Variants in LYRM9 observed in about 807,000 individuals in gnomAD.
The protein encoded by LYRM9 is LYR motif containing 9.
In LYRM9, 14 loss-of-function variants were observed where a neutral mutation model predicts 12.6. That is an observed-to-expected ratio of 1.11 (90% CI 0.73 to 1.73). The LOEUF is 1.73. LYRM9 is among the 40% of genes most tolerant of loss of function. LYRM9 has a pLI of 0.00. For synonymous variants in LYRM9, 42 were observed against 35.1 expected, an observed-to-expected ratio of 1.20 and a Z score of -0.69; for missense variants, 94 against 95.0, an observed-to-expected ratio of 0.99 and a Z score of 0.04.
Position 27,879,510 on chromosome 17 carries a change from G to T in LYRM9, c.220-20C>A. The T allele has an allele frequency of 2.6e-6, 4 of 1,551,884 alleles. No homozygotes were observed. The highest frequency in any genetic ancestry group is 3.5e-6 in the Non-Finnish European group (4 of 1,147,140). On this transcript the variant is annotated intron_variant, in intron 3 of 3. Transcript: ENST00000379102. ...TTTATACTGCAAGACAGAGAGATTCGAAGTGGAGGAGGGAAGCCAACAGGG... is the reference window on the plus strand; with the variant it reads ...TTTATACTGCAAGACAGAGAGATTCTAAGTGGAGGAGGGAAGCCAACAGGG...
At chr17:27,884,149 T>C (rs527654986) in intron 1 of LYRM9, among the ~76,000 whole-genome samples, 1 of 152,124 alleles carries the variant, frequency 6.6e-6, no homozygotes, top group South Asian at 2.1e-4. Flanking sequence ...CACATTCTTC[T>C]CTGTATTAAC....
At chr17:27,882,545 A>G in intron 2 of LYRM9, 24 bp downstream of exon 2, 1 of 1,557,040 alleles carries the variant, frequency 6.4e-7, no homozygotes, top group Non-Finnish European at 8.7e-7. Flanking sequence ...GGCAGCCCCC[A>G]GACCTGGTAG....
rs1194358776 is a variant in LYRM9, at chr17:27,886,645, CTT to C, written c.-18-3935_-18-3934del. 4.0e-4 allele frequency among the ~76,000 whole-genome samples: 39 copies of C among 97,252 alleles called. No homozygotes were observed. The highest frequency in any genetic ancestry group is 1.9e-3 in the African/African-American group (39 of 20,592). 63.8% of individuals were successfully genotyped at this position (97,252 alleles called of 152,430 possible). ...GCCACTGGTTTCTTTCTTTTCTTTT[CTT>C]TTTTTATTTTTTTTTTTTTGAGACA... On this transcript the variant is annotated intron_variant, in intron 1 of 3. Transcript: ENST00000379102. This position sits in a 1 kb window ranked among gnomAD's most constrained non-coding sequence, Gnocchi z 4.8.
chr17:27,891,189 A>T (rs1403237443), intron 1 of LYRM9, among the ~76,000 whole-genome samples: 3 of 152,024 alleles, frequency 2.0e-5, no homozygotes, highest in African/African-American at 4.8e-5. Flanking sequence ...GCCTTCTGAG[A>T]TCTGTTTCAA....
intron 3 of LYRM9, chr17:27,879,775 C>A: frequency 3.7e-6 from 2 of 543,636 alleles, no homozygotes; most frequent in Non-Finnish European, 6.5e-6. Context: ...GGTCACACTC[C>A]AACTCTCTAG....
At chr17:27,880,020 C>T (rs1418985576) in intron 3 of LYRM9, 6 of 659,914 alleles carry the variant, frequency 9.1e-6, no homozygotes, top group South Asian at 4.9e-5. Context: ...CCTCTCAGCT[C>T]GATCAGCACT....
At chr17:27,890,323 C>T (rs1905388931) in intron 1 of LYRM9, among the ~76,000 whole-genome samples, 1 of 152,232 alleles carries the variant, frequency 6.6e-6, no homozygotes, top group South Asian at 2.1e-4. Context: ...ATCTTCTCTA[C>T]AAAACCTTGC....
intron 1 of LYRM9, among the ~76,000 whole-genome samples, chr17:27,885,701 CAAAAAAAAAA>C (rs61615628): frequency 3.1e-4 from 9 of 29,386 alleles, no homozygotes; most frequent in African/African-American, 9.9e-4. Flanking sequence ...AACTCTGTCT[CAAAAAAAAAA>C]AAAAAAAAAA....
chr17:27,879,523 G>A, intron 3 of LYRM9, 33 bp from the exon 4 acceptor site: 1 of 1,551,256 alleles, frequency 6.4e-7, no homozygotes, highest in Non-Finnish European at 8.7e-7. Flanking sequence ...GTGGAGGAGG[G>A]AAGCCAACAG....
intron 1 of LYRM9, among the ~76,000 whole-genome samples, chr17:27,884,164 T>C (rs1905162133): frequency 6.6e-6 from 1 of 152,188 alleles, no homozygotes; most frequent in South Asian, 2.1e-4. Context: ...ATTAACACTC[T>C]CTCTAAAGAA....
intron 2 of LYRM9, chr17:27,880,738 T>C (rs1193679778): frequency 1.1e-5 from 3 of 283,264 alleles, no homozygotes; most frequent in Non-Finnish European, 2.0e-5. Flanking sequence ...CAGGGTGAGA[T>C]CTCTGCATAG....
At chr17:27,887,073 G>C (rs1905254327) in intron 1 of LYRM9, among the ~76,000 whole-genome samples, 1 of 152,044 alleles carries the variant, frequency 6.6e-6, no homozygotes, top group Non-Finnish European at 1.5e-5. Flanking sequence ...ACAGCCCCTA[G>C]CTGGTCTCCC....
rs1465899823 is a variant in LYRM9 at position 27,878,380 on chromosome 17, T to TTC, written c.*1091_*1092dup. 1 of 152,272 alleles carries TTC rather than the reference T, an allele frequency of 6.6e-6. No individual in the cohort carries two copies. Among genetic ancestry groups the TTC allele is most frequent in the Non-Finnish European group, 1.5e-5 (1 of 68,066 alleles). 9.4% of individuals were successfully genotyped at this position (152,272 alleles called of 1,614,324 possible). ...AGCTTCCACAAATTGATATATTTAC[T>TTC]TCATTGCCAGCGGAGTACACTCGCA... On this transcript the variant is annotated 3_prime_UTR_variant, in exon 4 of 4. Transcript: ENST00000379102.
chr17:27,889,684 G>C (rs934666198), intron 1 of LYRM9, among the ~76,000 whole-genome samples: 6 of 152,050 alleles, frequency 3.9e-5, no homozygotes, highest in African/African-American at 1.4e-4. Flanking sequence ...CCATCCTTAG[G>C]GGGGTCTGTT....
chr17:27,890,318 C>T lies in LYRM9; in HGVS notation c.-19+2999G>A, dbSNP rs1350398161. ...CTATTATCCAGTACTCCTCAATCTT[C>T]TCTACAAAACCTTGCTCCATGCCTT... On this transcript the variant is annotated intron_variant, in intron 1 of 3. Transcript: ENST00000379102. Among the ~76,000 whole-genome samples, 3 of 152,112 alleles carry T rather than the reference C, an allele frequency of 2.0e-5. No homozygotes were observed. The East Asian group carries it at 5.8e-4, about 29-fold the overall frequency.
At chr17:27,891,892 G>C (rs1905464649) in intron 1 of LYRM9, 1 of 150,962 alleles carries the variant, frequency 6.6e-6, no homozygotes, top group Non-Finnish European at 1.5e-5. Context: ...AAAGTGCCTA[G>C]CACAGGGGCT....
intron 1 of LYRM9, among the ~76,000 whole-genome samples, chr17:27,883,857 A>AAAAAAAAAAAC (rs1905149314): frequency 6.9e-6 from 1 of 145,716 alleles, no homozygotes; most frequent in African/African-American, 2.6e-5. Flanking sequence ...AAAAAAAAAA[A>AAAAAAAAAAAC]AAAAAAAAAA....
chr17:27,887,713 GGTGTGTGTGTGTGT>G lies in LYRM9; in HGVS notation c.-18-5015_-18-5002del, dbSNP rs59760752. On this transcript the variant is annotated intron_variant, in intron 1 of 3. Coordinates refer to ENST00000379102, the MANE Select transcript of LYRM9 (RefSeq NM_001076680.3). ...GAGAAACAGAACCTATAGGAGGGAGGGTGTGTGTGTGTGTGTGTGTGTGTGTGTGTGTGTGTGTG... is the reference window on the plus strand; with the variant it reads ...GAGAAACAGAACCTATAGGAGGGAGGGTGTGTGTGTGTGTGTGTGTGTGTG... Among the ~76,000 whole-genome samples the G allele has an allele frequency of 9.2e-3, 803 of 86,818 alleles. 7 individuals are homozygous for G. The highest frequency in any genetic ancestry group is 0.018 in the Non-Finnish European group (560 of 31,112). The allele number at this position is 86,818 out of a possible 152,430, so 57.0% of individuals were successfully genotyped here.
chr17:27,882,526 G>A (rs2142582922), intron 2 of LYRM9, 43 bp downstream of exon 2: 1 of 1,517,840 alleles, frequency 6.6e-7, no homozygotes, highest in African/African-American at 1.4e-5. Context: ...CCCTAAGCCT[G>A]CCATTAGAGG....
Sources: gnomAD v4.1 joint callset for allele counts (sites outside exome capture counted in the v4.1 genomes callset) on GRCh38, gnomAD v4.1.1 for gene constraint, Gnocchi (gnomAD v3.1) non-coding constraint, MANE v1.5 for transcripts, NCBI Gene and HGNC (gene_info 2026-07-23, HGNC 2026-07-21) for gene names.